SORBS2: variants seen among roughly 807,000 people sequenced by gnomAD.
SORBS2 encodes the protein sorbin and SH3 domain containing 2.
In SORBS2, 46 loss-of-function variants were observed where a neutral mutation model predicts 97.7. The observed-to-expected ratio is 0.47, with a 90% CI of 0.37 to 0.60. SORBS2 has a LOEUF of 0.60. Among genes scored for constraint, SORBS2 ranks in the 20% least tolerant of loss-of-function variants. The pLI is 0.00. For synonymous variants in SORBS2, 476 were observed against 473.4 expected (o/e 1.01, Z -0.07); for missense variants, 1,316 against 1,282.3 (o/e 1.03, Z -0.40).
intron 1 of SORBS2, among the ~76,000 whole-genome samples, chr4:185,821,218 G>A (rs1301526044): frequency 6.6e-6 from 1 of 152,176 alleles, no homozygotes; most frequent in Admixed American, 6.5e-5. Context: ...TCGCCTGCCT[G>A]GGAAGCCAGG....
chr4:185,647,912 T>A (rs890436430), intron 3 of SORBS2, among the ~76,000 whole-genome samples: 2 of 152,202 alleles, frequency 1.3e-5, no homozygotes, highest in Non-Finnish European at 2.9e-5. Context: ...ATCAGATGGG[T>A]AATACCTTTA....
intron 1 of SORBS2, among the ~76,000 whole-genome samples, chr4:185,947,182 C>A (rs1414056673): frequency 2.0e-5 from 3 of 152,172 alleles, no homozygotes; most frequent in African/African-American, 7.2e-5. Context: ...AAAAGTGCAA[C>A]CTGTGCATGT....
intron 4 of SORBS2, among the ~76,000 whole-genome samples, chr4:185,640,206 C>T (rs2097103790): frequency 6.6e-6 from 1 of 152,162 alleles, no homozygotes. Flanking sequence ...ATTATAAAGA[C>T]TGTGTAGTGT....
intron 1 of SORBS2, among the ~76,000 whole-genome samples, chr4:185,802,431 G>A (rs189506502): frequency 3.3e-5 from 5 of 152,170 alleles, no homozygotes; most frequent in Admixed American, 6.5e-5. Context: ...TTACAACTTC[G>A]ACATCCACAG....
intron 11 of SORBS2, 146 bp downstream of exon 23, chr4:185,614,684 TA>T: frequency 9.8e-7 from 1 of 1,018,140 alleles, no homozygotes. Flanking sequence ...TGGGCTGCCT[TA>T]AAGAGTCCTT....
intron 1 of SORBS2, among the ~76,000 whole-genome samples, chr4:185,821,850 G>C (rs1001761664): frequency 1.3e-5 from 2 of 152,162 alleles, no homozygotes; most frequent in African/African-American, 4.8e-5. Context: ...TGTTTTGGTC[G>C]CTTTTATTAG....
At chr4:185,741,443 G>A (rs574204779) in intron 2 of SORBS2, among the ~76,000 whole-genome samples, 105 of 116,384 alleles carry the variant, frequency 9.0e-4, no homozygotes, top group Non-Finnish European at 1.4e-3. Context: ...TCGCTCTGTC[G>A]CCCAGGCTGA....
chr4:185,639,154 C>T (rs963011717), intron 4 of SORBS2, 119 bp from the exon 14 acceptor site: 2 of 907,920 alleles, frequency 2.2e-6, no homozygotes, highest in Non-Finnish European at 3.2e-6. Flanking sequence ...GGCCTCCGGA[C>T]GGCGAAGTGT....
chr4:185,851,571 C>G (rs1381114812), intron 1 of SORBS2, among the ~76,000 whole-genome samples: 1 of 151,980 alleles, frequency 6.6e-6, no homozygotes, highest in Non-Finnish European at 1.5e-5. Flanking sequence ...ACTTGATTGG[C>G]TTGAAGAATG....
chr4:185,827,026 A>G (rs2099200295), intron 1 of SORBS2, among the ~76,000 whole-genome samples: 1 of 151,842 alleles, frequency 6.6e-6, no homozygotes, highest in Non-Finnish European at 1.5e-5. Context: ...CATCATCATC[A>G]CCATCACCAC....
At chr4:185,769,994 C>A (rs1241799159) in intron 2 of SORBS2, among the ~76,000 whole-genome samples, 1 of 151,586 alleles carries the variant, frequency 6.6e-6, no homozygotes, top group African/African-American at 2.4e-5. Flanking sequence ...TATTTTTTTT[C>A]TTTTTTAGGT....
chr4:185,775,569 G>A (rs1446222603), intron 1 of SORBS2: 1 of 152,148 alleles, frequency 6.6e-6, no homozygotes, highest in Non-Finnish European at 1.5e-5. Flanking sequence ...AACCCACAAC[G>A]ACTTGGTTCA....
chr4:185,813,849 C>T (rs13122948), intron 1 of SORBS2, among the ~76,000 whole-genome samples: 44,713 of 152,034 alleles, frequency 0.29, 7,224 homozygotes, highest in East Asian at 0.66. Flanking sequence ...GGCCTTGTCA[C>T]GCCCTGGGAC....
At chr4:185,808,639 C>T (rs878356) in intron 1 of SORBS2, among the ~76,000 whole-genome samples, 16,038 of 152,132 alleles carry the variant, frequency 0.11, 919 homozygotes, top group Non-Finnish European at 0.13. Context: ...ACTAGTGTAA[C>T]GTAACTAGTG....
intron 1 of SORBS2, among the ~76,000 whole-genome samples, chr4:185,895,234 G>T (rs1336364987): frequency 6.6e-6 from 1 of 152,234 alleles, no homozygotes; most frequent in African/African-American, 2.4e-5. Context: ...AGTGAACTAA[G>T]TCAGGGCCAA....
At chr4:185,690,990 C>G (rs1280558325) in intron 2 of SORBS2, among the ~76,000 whole-genome samples, 2 of 152,040 alleles carry the variant, frequency 1.3e-5, no homozygotes. Context: ...ATCTCTGCCT[C>G]CTGGGTTCAA....
chr4:185,773,729 A>G (rs894274758), intron 2 of SORBS2: 2 of 152,294 alleles, frequency 1.3e-5, no homozygotes, highest in South Asian at 4.1e-4. Flanking sequence ...TTGGCTGAGG[A>G]CTGTGAAAAT....
intron 2 of SORBS2, among the ~76,000 whole-genome samples, chr4:185,725,697 C>T (rs1332998500): frequency 1.3e-5 from 2 of 152,080 alleles, no homozygotes; most frequent in African/African-American, 4.8e-5. Flanking sequence ...TCATTTCTGT[C>T]GTTTTAATTT....
intron 1 of SORBS2, among the ~76,000 whole-genome samples, chr4:185,953,929 T>C (rs1339017640): frequency 6.6e-6 from 1 of 152,244 alleles, no homozygotes; most frequent in East Asian, 1.9e-4. Flanking sequence ...CCTTGGTCCA[T>C]TATCTCATGC....
Sources: allele counts gnomAD v4.1 joint callset (sites outside exome capture counted in the v4.1 genomes callset), GRCh38; gene constraint gnomAD v4.1.1; transcripts MANE v1.5; gene names NCBI Gene and HGNC (gene_info 2026-07-23, HGNC 2026-07-21).